IMMP1L: variants seen among roughly 807,000 people sequenced by gnomAD.
IMMP1L encodes mitochondrial inner membrane protease subunit 1.
In IMMP1L, 24 loss-of-function variants were observed where a neutral mutation model predicts 21.8. That is an observed-to-expected ratio of 1.10 (90% CI 0.80 to 1.55). The LOEUF (loss-of-function observed/expected upper bound fraction) is 1.55, where lower values mean the gene tolerates loss of function less well. IMMP1L is among the 40% of genes most tolerant of loss of function. The pLI is 0.00. For missense variants in IMMP1L, 195 were observed against 200.7 expected (o/e 0.97, Z 0.17); for synonymous variants, 46 against 62.8 (o/e 0.73, Z 1.26).
At chr11:31,445,738 T>TA (rs1953494092) in intron 4 of IMMP1L, among the ~76,000 whole-genome samples, 2 of 152,084 alleles carry the variant, frequency 1.3e-5, no homozygotes, top group Middle Eastern at 3.4e-3. Flanking sequence ...TTTTTTTTTT[T>TA]TTTTGAGACA....
chr11:31,478,901 T>C (rs1257183210), intron 1 of IMMP1L, among the ~76,000 whole-genome samples: 1 of 152,114 alleles, frequency 6.6e-6, no homozygotes, highest in Non-Finnish European at 1.5e-5. Flanking sequence ...GTTTTTAAAA[T>C]AGTTATCAGT....
intron 3 of IMMP1L, among the ~76,000 whole-genome samples, chr11:31,459,922 T>A (rs1157674334): frequency 6.6e-6 from 1 of 152,128 alleles, no homozygotes; most frequent in African/African-American, 2.4e-5. Flanking sequence ...TTTGGGAGGC[T>A]GAGGTGAGCG....
intron 1 of IMMP1L, among the ~76,000 whole-genome samples, chr11:31,499,938 TTAAATAAATAAATAAATAAA>T (rs34485904): frequency 3.6e-5 from 5 of 140,140 alleles, no homozygotes; most frequent in South Asian, 2.3e-4. Context: ...GGCTAACTTC[TTAAATAAATAAATAAATAAA>T]TAAATAAATA....
chr11:31,495,298 A>C (rs1328142779), intron 1 of IMMP1L, among the ~76,000 whole-genome samples: 1 of 152,060 alleles, frequency 6.6e-6, no homozygotes, highest in African/African-American at 2.4e-5. Flanking sequence ...ACTTTCCTAC[A>C]TTTTCCTGTC....
At position 31,463,449 on chromosome 11, in the gene IMMP1L, G is replaced by A. The variant is rs866495941; in HGVS notation, c.-29-144C>T. ...GCAGGAAACCAAGAGTTTGTTATCA[G>A]TTCTAATGATATTTTAAATGGCAAA... On this transcript the variant is annotated intron_variant, in intron 1 of 5. Coordinates refer to ENST00000532287, the MANE Select transcript of IMMP1L (RefSeq NM_001304274.2). The A allele has an allele frequency of 1.6e-5, 11 of 678,982 alleles. 2 individuals are homozygous for A. The Middle Eastern group carries it at 3.4e-3, about 212-fold the overall frequency. 42.1% of individuals were successfully genotyped at this position (678,982 alleles called of 1,614,324 possible). A position where few individuals can be genotyped will look rare whatever the true frequency, so the allele number is the denominator to read the frequency against.
At chr11:31,463,333 G>T in intron 1 of IMMP1L, 28 bp from the exon 2 acceptor site, 2 of 1,544,828 alleles carry the variant, frequency 1.3e-6, no homozygotes, top group South Asian at 1.3e-5. Context: ...AAAGTTTCAT[G>T]ATCAATACTA....
chr11:31,446,358 T>C (rs765687401), intron 4 of IMMP1L, among the ~76,000 whole-genome samples: 2 of 152,192 alleles, frequency 1.3e-5, no homozygotes, highest in African/African-American at 2.4e-5. Flanking sequence ...TCTAATAGTC[T>C]ACACTAACAA....
intron 1 of IMMP1L, among the ~76,000 whole-genome samples, chr11:31,470,344 C>T (rs901850785): frequency 2.6e-5 from 4 of 151,010 alleles, no homozygotes; most frequent in South Asian, 2.1e-4. Context: ...ACCCGGGAGG[C>T]GGAGGTTGCG....
chr11:31,464,543 A>G lies in IMMP1L; in HGVS notation c.-29-1238T>C, dbSNP rs568958585. Among the ~76,000 whole-genome samples, 40 of 152,302 alleles carry G rather than the reference A, an allele frequency of 2.6e-4. No individual in the cohort carries two copies. The South Asian group carries it at 7.7e-3, about 29-fold the overall frequency. The stretch of plus-strand genomic sequence containing the variant: ...CTCAGATGCAACAATCCTTAACAAA[A>G]TACTAGCAAACCAAACCCAACAACG... On this transcript the variant is annotated intron_variant, in intron 1 of 5. Coordinates refer to ENST00000532287, the MANE Select transcript of IMMP1L (RefSeq NM_001304274.2).
intron 1 of IMMP1L, among the ~76,000 whole-genome samples, chr11:31,483,944 AT>A (rs1954984194): frequency 6.6e-6 from 1 of 151,894 alleles, no homozygotes; most frequent in Non-Finnish European, 1.5e-5. Context: ...ATGATTTATA[AT>A]ACTTTTTTTC....
At chr11:31,488,982 C>T (rs1955169619) in intron 1 of IMMP1L, among the ~76,000 whole-genome samples, 1 of 152,014 alleles carries the variant, frequency 6.6e-6, no homozygotes, top group Non-Finnish European at 1.5e-5. Flanking sequence ...CTGCAAGCTC[C>T]ACCTCCCGGG....
chr11:31,491,668 A>G (rs1052318008), intron 1 of IMMP1L, among the ~76,000 whole-genome samples: 1 of 152,218 alleles, frequency 6.6e-6, no homozygotes, highest in East Asian at 1.9e-4. Flanking sequence ...AACCTATCTA[A>G]ATTGTAAAAG....
intron 4 of IMMP1L, among the ~76,000 whole-genome samples, chr11:31,435,147 A>G (rs2133533112): frequency 6.6e-6 from 1 of 152,302 alleles, no homozygotes; most frequent in East Asian, 1.9e-4. Flanking sequence ...GTAGTTATGG[A>G]CACCAGTAAA....
intron 1 of IMMP1L, among the ~76,000 whole-genome samples, chr11:31,483,733 GT>G (rs1190756820): frequency 6.6e-6 from 1 of 151,868 alleles, no homozygotes; most frequent in Non-Finnish European, 1.5e-5. Context: ...ATAAGCGTTA[GT>G]TTGTTAATCA....
chr11:31,451,589 A>C (rs1953759897), intron 4 of IMMP1L, among the ~76,000 whole-genome samples: 1 of 152,140 alleles, frequency 6.6e-6, no homozygotes, highest in African/African-American at 2.4e-5. Context: ...AAGTGTATGG[A>C]AGGAGCCATT....
In IMMP1L at chr11:31,480,544, A is replaced by T. The variant is rs570630342; in HGVS notation, c.-29-17239T>A. Among the ~76,000 whole-genome samples the T allele has an allele frequency of 7.9e-5, 12 of 152,144 alleles. No homozygotes were observed. The South Asian group carries it at 2.5e-3, about 32-fold the overall frequency. Reference sequence around the variant, plus strand: ...AAACATGTTCTTAAGGTACTAACTCATTTTAAAAGTTGCTTTTTCATAATC... The same window carrying T: ...AAACATGTTCTTAAGGTACTAACTCTTTTTAAAAGTTGCTTTTTCATAATC... On this transcript the variant is annotated intron_variant, in intron 1 of 5. Coordinates refer to ENST00000532287, the MANE Select transcript of IMMP1L (RefSeq NM_001304274.2).
chr11:31,498,105 C>T (rs959634188), intron 1 of IMMP1L, among the ~76,000 whole-genome samples: 8 of 152,092 alleles, frequency 5.3e-5, no homozygotes, highest in Admixed American at 4.6e-4. Context: ...ATAGAAAAAA[C>T]ATAATTTGCT....
intron 1 of IMMP1L, among the ~76,000 whole-genome samples, chr11:31,479,101 T>G (rs1051910221): frequency 6.6e-6 from 1 of 152,010 alleles, no homozygotes; most frequent in Non-Finnish European, 1.5e-5. Flanking sequence ...CTGTCCAGAA[T>G]AAATCTAAGG....
intron 1 of IMMP1L, among the ~76,000 whole-genome samples, chr11:31,501,827 AAAT>A (rs1955627322): frequency 6.6e-6 from 1 of 151,452 alleles, no homozygotes; most frequent in African/African-American, 2.4e-5. Context: ...ATAAATAAAT[AAAT>A]AGCTGGGCAT....
Sources: allele counts gnomAD v4.1 joint callset (sites outside exome capture counted in the v4.1 genomes callset), GRCh38; gene constraint gnomAD v4.1.1; transcripts MANE v1.5; gene names NCBI Gene and HGNC (gene_info 2026-07-23, HGNC 2026-07-21).